Variants in RALGDS observed in about 807,000 individuals in gnomAD.
RALGDS encodes ral guanine nucleotide dissociation stimulator.
Under a neutral mutation model 99.8 loss-of-function variants are expected in RALGDS, and 44 were observed. The observed-to-expected ratio is 0.44, with a 90% CI of 0.35 to 0.57. RALGDS has a LOEUF of 0.57. Among genes scored for constraint, RALGDS ranks in the 20% least tolerant of loss-of-function variants. The pLI, the probability that RALGDS is intolerant of heterozygous loss-of-function variation, is 0.01. For synonymous variants in RALGDS, 529 were observed against 505.0 expected, an observed-to-expected ratio of 1.05 and a Z score of -0.64; for missense variants, 1,022 against 1,203.1, an observed-to-expected ratio of 0.85 and a Z score of 2.23.
chr9:133,109,024 C>T (rs193129232), intron 4 of RALGDS, among the ~76,000 whole-genome samples, 158 bp from the exon 5 acceptor site: 60 of 152,206 alleles, frequency 3.9e-4, no homozygotes, highest in South Asian at 1.7e-3. Context: ...TGGTCAGTGG[C>T]GAACACCTCT....
chr9:133,111,943 G>T, intron 2 of RALGDS, 99 bp downstream of exon 2: 1 of 903,606 alleles, frequency 1.1e-6, no homozygotes, highest in Non-Finnish European at 1.8e-6. Context: ...GGGAGTGAAG[G>T]CCGTTTCCTT....
upstream of RALGDS, among the ~76,000 whole-genome samples, chr9:133,124,237 CAT>C (rs1179471801): frequency 1.3e-4 from 19 of 151,300 alleles, no homozygotes; most frequent in South Asian, 6.3e-4. Context: ...CACACACACA[CAT>C]AGAGACAGAC....
chr9:133,128,693 G>C (rs1263845518), intron 1 of RALGDS, among the ~76,000 whole-genome samples: 1 of 152,160 alleles, frequency 6.6e-6, no homozygotes, highest in African/African-American at 2.4e-5. Flanking sequence ...TGCCTGCTCT[G>C]TGTCTTCCTA....
intron 1 of RALGDS, among the ~76,000 whole-genome samples, chr9:133,118,495 G>C (rs1309059173): frequency 6.6e-6 from 1 of 152,194 alleles, no homozygotes; most frequent in Non-Finnish European, 1.5e-5. Flanking sequence ...TGTTGCCTCA[G>C]TGACTTTATC....
At chr9:133,123,825 GAC>G (rs1413033812), upstream of RALGDS, among the ~76,000 whole-genome samples, 3 of 48,000 alleles carry the variant, frequency 6.3e-5, 1 homozygote, top group South Asian at 8.7e-4. Context: ...GAGAGACAGA[GAC>G]ACAGACACAC....
rs1832596195 is a variant in RALGDS, at chr9:133,144,729, G to A, written c.18+4234C>T. 6.6e-6 allele frequency among the ~76,000 whole-genome samples: 1 copy of A among 152,214 alleles called. No homozygotes were observed. Among genetic ancestry groups the A allele is most frequent in the South Asian group, 2.1e-4 (1 of 4,834 alleles). ...ACTCCCCGCTGCTCCCCTAGTCCCCGTAGGCACGCGGGTACCCGGCCTTTG... is the reference window on the plus strand; with the variant it reads ...ACTCCCCGCTGCTCCCCTAGTCCCCATAGGCACGCGGGTACCCGGCCTTTG... On this transcript the variant is annotated intron_variant, in intron 1 of 17. Coordinates refer to the RALGDS transcript ENST00000393160. This position sits in a 1 kb window ranked among gnomAD's most constrained non-coding sequence, Gnocchi z 4.5.
At position 133,098,590 on chromosome 9, in the gene RALGDS, G is replaced by A; in HGVS notation, c.2742C>T (p.Phe914=). The change falls in exon 18 of 18, where the codon TTC becomes TTT. Residue 914 remains phenylalanine, a synonymous_variant. Coordinates refer to ENST00000372050, the MANE Select transcript of RALGDS (RefSeq NM_006266.4). Reference sequence around the variant, plus strand: ...GCCAGACCCTGGGAGGATGCCCTCAGAAGATGCCCTTGGCAATCTTGAGTC... The same window carrying A: ...GCCAGACCCTGGGAGGATGCCCTCAAAAGATGCCCTTGGCAATCTTGAGTC... The part of the protein sequence containing the change: ...QKGLKIAKGI[F] 2 of 1,614,080 alleles carry A rather than the reference G, an allele frequency of 1.2e-6. No homozygotes were observed. Among genetic ancestry groups the A allele is most frequent in the Non-Finnish European group, 1.7e-6 (2 of 1,180,020 alleles).
At chr9:133,145,695 G>C (rs1248485825) in intron 1 of RALGDS, among the ~76,000 whole-genome samples, 3 of 152,178 alleles carry the variant, frequency 2.0e-5, no homozygotes, top group African/African-American at 7.2e-5. Context: ...GGGTCACCAA[G>C]CTCCTGCCTC....
rs1830587211 is a variant in RALGDS, at chr9:133,098,135, G to A, written c.*452C>T. 1 of 293,324 alleles carries A rather than the reference G, an allele frequency of 3.4e-6. No individual in the cohort carries two copies. The highest frequency in any genetic ancestry group is 6.8e-5 in the South Asian group (1 of 14,724). 18.2% of individuals were successfully genotyped at this position (293,324 alleles called of 1,614,324 possible). A position where few individuals can be genotyped will look rare whatever the true frequency, so the allele number is the denominator to read the frequency against. On this transcript the variant is annotated 3_prime_UTR_variant, in exon 18 of 18. Transcript: ENST00000372050. ...TTGGTGCAGCCTGAGAAAGGCTAGA[G>A]TGGTGGGAGGGGCCGGGACCCCTGC...
chr9:133,118,959 C>T (rs1422088620), intron 1 of RALGDS, among the ~76,000 whole-genome samples: 1 of 152,224 alleles, frequency 6.6e-6, no homozygotes, highest in Non-Finnish European at 1.5e-5. Flanking sequence ...TGGCCCACAA[C>T]CTGCACTTTT....
At chr9:133,113,005 G>A (rs1025929469) in intron 1 of RALGDS, among the ~76,000 whole-genome samples, 11 of 152,184 alleles carry the variant, frequency 7.2e-5, no homozygotes, top group African/African-American at 9.7e-5. Flanking sequence ...AGGAAAGGCC[G>A]TTGTCTTAGG....
chr9:133,101,244 T>A, intron 16 of RALGDS: 1 of 1,310,350 alleles, frequency 7.6e-7, no homozygotes, highest in Non-Finnish European at 9.9e-7. Context: ...TCAGGGCCTA[T>A]GTGGCCAGGC....
At chr9:133,118,062 C>A (rs147443856) in intron 1 of RALGDS, among the ~76,000 whole-genome samples, 1 of 152,208 alleles carries the variant, frequency 6.6e-6, no homozygotes, top group Non-Finnish European at 1.5e-5. Context: ...GGAGAAGGAA[C>A]AAAGACCCAG....
intron 1 of RALGDS, among the ~76,000 whole-genome samples, chr9:133,140,515 G>C (rs1416168029): frequency 8.5e-5 from 13 of 152,154 alleles, no homozygotes; most frequent in African/African-American, 3.1e-4. Flanking sequence ...TCCCATGGGA[G>C]CCCTTTCTGG....
At chr9:133,131,534 G>GC (rs2119252437), upstream of RALGDS, among the ~76,000 whole-genome samples, 1 of 152,022 alleles carries the variant, frequency 6.6e-6, no homozygotes, top group African/African-American at 2.4e-5. Context: ...TCAGGACTCG[G>GC]CCCCCAGTCA....
At chr9:133,128,325 G>A (rs1321064427) in intron 1 of RALGDS, among the ~76,000 whole-genome samples, 2 of 152,166 alleles carry the variant, frequency 1.3e-5, no homozygotes, top group Non-Finnish European at 2.9e-5. Context: ...GAGGGGCTGC[G>A]GGGGGTGCTG....
At chr9:133,114,260 C>T (rs1213104301) in intron 1 of RALGDS, among the ~76,000 whole-genome samples, 1 of 152,206 alleles carries the variant, frequency 6.6e-6, no homozygotes, top group Non-Finnish European at 1.5e-5. Context: ...CGCTCTAGCC[C>T]GCGTGGAGCT....
At chr9:133,139,475 C>T (rs1832484374) in intron 1 of RALGDS, among the ~76,000 whole-genome samples, 1 of 152,206 alleles carries the variant, frequency 6.6e-6, no homozygotes, top group Non-Finnish European at 1.5e-5. Flanking sequence ...CCACTACCCC[C>T]AGCTGTCACC....
In RALGDS at chr9:133,121,049, C is replaced by T. The variant is rs1043400392; in HGVS notation, c.106G>A (p.Glu36Lys). ...GGGCAGCTGTCGGGGACGCCCACCTCCAGGCGCACGGCGTCCCACACGCTG... is the reference window on the plus strand; with the variant it reads ...GGGCAGCTGTCGGGGACGCCCACCTTCAGGCGCACGGCGTCCCACACGCTG... ...SRSVWDAVRL[E>K]VGVPDSCPVV... is the part of the protein sequence containing the mutation. The change falls in exon 1 of 18, where the codon GAG (glutamate) becomes AAG (lysine). Residue 36 changes from glutamate to lysine, a missense_variant. Glu to Lys is a moderately conservative substitution (Grantham distance 56). Around this residue, in one of 3 missense-constraint regions of RALGDS, gnomAD observed 180 missense variants for 169.3 expected, o/e 1.06. Coordinates refer to ENST00000372050, the MANE Select transcript of RALGDS (RefSeq NM_006266.4). 4.7e-6 allele frequency: 7 copies of T among 1,492,408 alleles called. No homozygotes were observed. In the African/African-American group the frequency reaches 7.3e-5, roughly 16 times the overall value. The allele number at this position is 1,492,408 out of a possible 1,614,324, so 92.4% of individuals were successfully genotyped here. A position where few individuals can be genotyped will look rare whatever the true frequency, so the allele number is the denominator to read the frequency against.
Sources: allele counts gnomAD v4.1 joint callset (sites outside exome capture counted in the v4.1 genomes callset), GRCh38; gene constraint gnomAD v4.1.1; regional missense constraint gnomAD v4.1.1; non-coding constraint Gnocchi (gnomAD v3.1); transcripts MANE v1.5; gene names NCBI Gene and HGNC (gene_info 2026-07-23, HGNC 2026-07-21).